NMI: variants seen among roughly 807,000 people sequenced by gnomAD.
The protein encoded by NMI is N-myc and STAT interactor.
A neutral mutation model predicts 34.3 loss-of-function variants in NMI; 39 were observed. That is an observed-to-expected ratio of 1.14 (90% confidence interval 0.88 to 1.49). The LOEUF (loss-of-function observed/expected upper bound fraction) is 1.49, where lower values mean the gene tolerates loss of function less well. Among genes scored for constraint, NMI ranks in the 40% most tolerant of loss-of-function variants. NMI has a pLI of 0.00. For synonymous variants in NMI, 113 were observed against 120.3 expected (o/e 0.94, Z 0.40); for missense variants, 339 against 358.1 (o/e 0.95, Z 0.43).
At chr2:151,271,039 T>C (rs1683176219) in intron 7 of NMI, among the ~76,000 whole-genome samples, 164 bp from the exon 8 acceptor site, 1 of 152,190 alleles carries the variant, frequency 6.6e-6, no homozygotes, top group African/African-American at 2.4e-5. Flanking sequence ...ATCTGAGTTT[T>C]AGAAAGAGAA....
chr2:151,279,084 C>A, intron 3 of NMI, 94 bp from the exon 4 acceptor site: 1 of 788,758 alleles, frequency 1.3e-6, no homozygotes, highest in South Asian at 1.8e-5. Context: ...ATAATTCATT[C>A]CCCACTAATT....
intron 3 of NMI, among the ~76,000 whole-genome samples, chr2:151,281,428 T>C (rs1298359750): frequency 6.6e-6 from 1 of 152,176 alleles, no homozygotes; most frequent in Non-Finnish European, 1.5e-5. Flanking sequence ...TATTAAAGTG[T>C]ACGTAAATAA....
Position 151,275,867 on chromosome 2 carries a change from G to A in NMI, c.341-3C>T. 1 of 1,537,020 alleles carries A rather than the reference G, an allele frequency of 6.5e-7. No homozygotes were observed. The highest frequency in any genetic ancestry group is 8.9e-7 in the Non-Finnish European group (1 of 1,127,990). ...CATGCTTACCACATTTTGAGCAACT[G>A]AAAAATAATTCAGGAAGGAAGTATT... On this transcript the variant is annotated splice_region_variant and splice_polypyrimidine_tract_variant and intron_variant, in intron 4 of 7. Coordinates refer to ENST00000243346, the MANE Select transcript of NMI (RefSeq NM_004688.3).
intron 6 of NMI, 29 bp from the exon 7 acceptor site, chr2:151,271,761 C>A (rs1407846449): frequency 9.4e-7 from 1 of 1,065,748 alleles, no homozygotes; most frequent in Non-Finnish European, 1.4e-6. Flanking sequence ...CAATACTTGT[C>A]TTTTTTATAT....
intron 3 of NMI, among the ~76,000 whole-genome samples, chr2:151,280,148 T>C (rs1429611226): frequency 6.9e-6 from 1 of 145,152 alleles, no homozygotes; most frequent in Non-Finnish European, 1.5e-5. Flanking sequence ...TGAACCGAGA[T>C]CGCACCATTG....
At chr2:151,274,344 C>CAAAAAAAAAAA (rs773276443) in intron 6 of NMI, among the ~76,000 whole-genome samples, 1 of 54,672 alleles carries the variant, frequency 1.8e-5, no homozygotes, top group Non-Finnish European at 3.2e-5. Flanking sequence ...CTCTGTCTCA[C>CAAAAAAAAAAA]AAAAAAAAAA....
intron 6 of NMI, among the ~76,000 whole-genome samples, chr2:151,273,774 C>A (rs2551671): frequency 0.69 from 104,442 of 152,064 alleles, 36,909 homozygotes; most frequent in African/African-American, 0.86. Context: ...CACCCGCCTC[C>A]GCCTCCCAAA....
At chr2:151,288,653 T>TA (rs1313231392) in intron 1 of NMI, among the ~76,000 whole-genome samples, 2 of 151,984 alleles carry the variant, frequency 1.3e-5, no homozygotes, top group Non-Finnish European at 2.9e-5. Context: ...GGCAGCGAAT[T>TA]AAAAAAACTG....
At chr2:151,280,142 C>T (rs1292549460) in intron 3 of NMI, among the ~76,000 whole-genome samples, 1 of 147,352 alleles carries the variant, frequency 6.8e-6, no homozygotes, top group African/African-American at 2.5e-5. Flanking sequence ...TTGTAGTGAA[C>T]CGAGATCGCA....
At chr2:151,279,545 C>T (rs965499258) in intron 3 of NMI, among the ~76,000 whole-genome samples, 16 of 151,344 alleles carry the variant, frequency 1.1e-4, no homozygotes, top group African/African-American at 3.4e-4. Flanking sequence ...GGTGTGATCT[C>T]GGCTCACTGC....
At chr2:151,273,318 G>A (rs1222405706) in intron 6 of NMI, among the ~76,000 whole-genome samples, 1 of 152,072 alleles carries the variant, frequency 6.6e-6, no homozygotes, top group Non-Finnish European at 1.5e-5. Context: ...TGAAGTATCT[G>A]GCATATTTAT....
chr2:151,272,099 G>A (rs548278974), intron 6 of NMI, among the ~76,000 whole-genome samples: 48 of 152,272 alleles, frequency 3.2e-4, no homozygotes, highest in African/African-American at 1.2e-3. Context: ...CTCAAAAGCT[G>A]TAAGTGAAAA....
intron 6 of NMI, among the ~76,000 whole-genome samples, chr2:151,274,962 C>G (rs1331347969): frequency 6.6e-6 from 1 of 151,820 alleles, no homozygotes; most frequent in Non-Finnish European, 1.5e-5. Flanking sequence ...GTCACTGCAG[C>G]CTCAACCTCC....
At chr2:151,288,514 G>A (rs1308981561) in intron 1 of NMI, among the ~76,000 whole-genome samples, 1 of 152,172 alleles carries the variant, frequency 6.6e-6, no homozygotes. Flanking sequence ...AACCCAGTGA[G>A]ACCTCAGTAG....
chr2:151,278,679 T>C, intron 4 of NMI, 149 bp downstream of exon 4: 1 of 623,746 alleles, frequency 1.6e-6, no homozygotes, highest in Non-Finnish European at 2.7e-6. Context: ...TTTTCTCATC[T>C]GTAAAATGGG....
At chr2:151,275,945 CTGAATAT>C in intron 4 of NMI, 81 bp from the exon 5 acceptor site, 1 of 939,610 alleles carries the variant, frequency 1.1e-6, no homozygotes, top group Non-Finnish European at 1.6e-6. Flanking sequence ...ACAAATTATC[CTGAATAT>C]TTTTAATTTT....
chr2:151,281,954 T>C lies in NMI; in HGVS notation c.171A>G (p.Glu57=). ...AAAATAATTAAGAGAGTACCTGGAA[T>C]TCTTTGGTAGCCTCTTGTAACTCCG... ...LETELQEATK[E]FQIKEDIPET... Residue 57 remains glutamate, a synonymous_variant, in exon 3 of 8, where the codon GAA becomes GAG. Transcript: ENST00000243346. 2.0e-6 allele frequency: 3 copies of C among 1,490,638 alleles called. No individual in the cohort carries two copies. The highest frequency in any genetic ancestry group is 2.8e-6 in the Non-Finnish European group (3 of 1,074,408). 92.3% of individuals were successfully genotyped at this position (1,490,638 alleles called of 1,614,324 possible).
chr2:151,271,083 G>C (rs569242449), intron 7 of NMI, among the ~76,000 whole-genome samples: 1 of 152,300 alleles, frequency 6.6e-6, no homozygotes, highest in East Asian at 1.9e-4. Context: ...GAGGAAAGGA[G>C]GGATGCTCTG....
At chr2:151,271,509 C>T in intron 7 of NMI, 117 bp downstream of exon 7, 3 of 688,314 alleles carry the variant, frequency 4.4e-6, no homozygotes, top group Non-Finnish European at 7.8e-6. Context: ...GTAAAGAAAC[C>T]ATTTTGCTAT....
Sources: allele counts gnomAD v4.1 joint callset (sites outside exome capture counted in the v4.1 genomes callset), GRCh38; gene constraint gnomAD v4.1.1; transcripts MANE v1.5; gene names NCBI Gene and HGNC (gene_info 2026-07-23, HGNC 2026-07-21).